Variants in SPTLC3 observed in about 807,000 individuals in gnomAD.
The protein encoded by SPTLC3 is serine palmitoyltransferase 3.
SPTLC3 carries 36 observed loss-of-function variants against 59.3 expected under a neutral mutation model. The observed-to-expected ratio is 0.61, with a 90% CI of 0.47 to 0.80. SPTLC3 has a LOEUF of 0.80. Ranked by LOEUF, SPTLC3 falls within the 30% of genes least tolerant of loss-of-function variation. The probability of loss-of-function intolerance (pLI) is 0.00; values close to 1 mark genes in which losing one functional copy is unlikely to be tolerated. For synonymous variants in SPTLC3, 257 were observed against 240.8 expected (o/e 1.07, Z -0.62); for missense variants, 625 against 685.1 (o/e 0.91, Z 0.98).
At chr20:13,118,950 G>C (rs368540820) in intron 8 of SPTLC3, among the ~76,000 whole-genome samples, 2 of 152,140 alleles carry the variant, frequency 1.3e-5, no homozygotes, top group Non-Finnish European at 2.9e-5. Context: ...GCTTTCTTTC[G>C]GGCTCAAAGC....
intron 8 of SPTLC3, among the ~76,000 whole-genome samples, chr20:13,118,203 G>A (rs1990675792): frequency 6.6e-6 from 1 of 152,050 alleles, no homozygotes; most frequent in Non-Finnish European, 1.5e-5. Context: ...TTATTAGGGA[G>A]GCTGACCCTA....
chr20:13,095,809 C>T (rs1299407401), intron 6 of SPTLC3, among the ~76,000 whole-genome samples: 2 of 152,178 alleles, frequency 1.3e-5, no homozygotes, highest in Non-Finnish European at 2.9e-5. Context: ...TATCCTCACT[C>T]TTCCTCTCTC....
intron 2 of SPTLC3, chr20:13,049,697 A>C (rs1257384658): frequency 6.4e-6 from 1 of 156,510 alleles, no homozygotes; most frequent in Non-Finnish European, 1.4e-5. Flanking sequence ...TGATGAAGTC[A>C]CTGCACCCTC....
intron 2 of SPTLC3, among the ~76,000 whole-genome samples, chr20:13,069,305 G>A (rs1004560641): frequency 6.6e-6 from 1 of 152,078 alleles, no homozygotes; most frequent in Non-Finnish European, 1.5e-5. Context: ...ACCTTTCTGG[G>A]CCTGATTCTC....
At chr20:13,067,514 C>T (rs550580079) in intron 2 of SPTLC3, among the ~76,000 whole-genome samples, 1 of 152,240 alleles carries the variant, frequency 6.6e-6, no homozygotes, top group African/African-American at 2.4e-5. Flanking sequence ...ATTGATGACA[C>T]TCTTGATGGT....
chr20:13,026,511 C>T lies in SPTLC3; in HGVS notation c.117+17127C>T, dbSNP rs377715117. Among the ~76,000 whole-genome samples, 13 of 152,194 alleles carry T rather than the reference C, an allele frequency of 8.5e-5. No individual in the cohort carries two copies. The East Asian group carries it at 1.9e-3, about 23-fold the overall frequency. On this transcript the variant is annotated intron_variant, in intron 1 of 11. Coordinates refer to ENST00000399002, the MANE Select transcript of SPTLC3 (RefSeq NM_018327.4). ...GGTTTTTTCATATGCTTTTTGGCCA[C>T]GTGTATGTCTTCTTTTGAGAAGTGT...
At chr20:13,080,171 T>C (rs563190962) in intron 4 of SPTLC3, among the ~76,000 whole-genome samples, 1 of 152,120 alleles carries the variant, frequency 6.6e-6, no homozygotes, top group African/African-American at 2.4e-5. Flanking sequence ...AAAAAAAGAA[T>C]ATCCCAATTT....
chr20:13,030,236 G>A (rs1357525887), intron 1 of SPTLC3, among the ~76,000 whole-genome samples: 1 of 152,170 alleles, frequency 6.6e-6, no homozygotes, highest in Non-Finnish European at 1.5e-5. Context: ...ACACACCTCT[G>A]TTGTTGGTTC....
chr20:13,038,453 C>G (rs36101218), intron 1 of SPTLC3, among the ~76,000 whole-genome samples: 13,798 of 152,058 alleles, frequency 0.091, 687 homozygotes, highest in African/African-American at 0.13. Flanking sequence ...CATCTTAATT[C>G]TAATATGTTG....
intron 6 of SPTLC3, among the ~76,000 whole-genome samples, chr20:13,106,053 A>C (rs1223585757): frequency 1.3e-5 from 2 of 152,314 alleles, no homozygotes; most frequent in Non-Finnish European, 2.9e-5. Flanking sequence ...AGTGGTTAAT[A>C]ATGTACGCTA....
chr20:13,118,375 G>T (rs1172759573), intron 8 of SPTLC3, among the ~76,000 whole-genome samples: 1 of 141,552 alleles, frequency 7.1e-6, no homozygotes, highest in South Asian at 2.3e-4. Context: ...TAAAAATTCT[G>T]ATCTGCTGGG....
chr20:13,034,776 T>C (rs1986659971), intron 1 of SPTLC3, among the ~76,000 whole-genome samples: 1 of 151,624 alleles, frequency 6.6e-6, no homozygotes, highest in Admixed American at 6.6e-5. Context: ...AAAAACATAC[T>C]TTTTGTTATT....
chr20:13,148,666 G>A (rs563613295), intron 9 of SPTLC3, among the ~76,000 whole-genome samples: 3 of 152,324 alleles, frequency 2.0e-5, no homozygotes, highest in African/African-American at 7.2e-5. Context: ...CATGGCCCTA[G>A]GGGTGGACCA....
intron 11 of SPTLC3, 41 bp downstream of exon 11, chr20:13,160,173 C>G: frequency 6.4e-7 from 1 of 1,567,928 alleles, no homozygotes. Context: ...GTACCAGTAC[C>G]TTGGATTCAA....
chr20:13,115,924 C>T (rs2122732583), intron 7 of SPTLC3, among the ~76,000 whole-genome samples: 1 of 152,268 alleles, frequency 6.6e-6, no homozygotes, highest in African/African-American at 2.4e-5. Context: ...AGTTAGTAAG[C>T]TTAGGCAGCC....
intron 1 of SPTLC3, among the ~76,000 whole-genome samples, chr20:13,048,277 T>A (rs964026029): frequency 6.6e-6 from 1 of 152,134 alleles, no homozygotes; most frequent in African/African-American, 2.4e-5. Flanking sequence ...CACACAAAAA[T>A]TAAAGAAAGA....
chr20:13,157,160 G>A (rs1343320373), intron 10 of SPTLC3, among the ~76,000 whole-genome samples: 5 of 151,990 alleles, frequency 3.3e-5, no homozygotes, highest in Non-Finnish European at 7.4e-5. Flanking sequence ...TTCTAAAGCC[G>A]GGTACGGTAG....
intron 4 of SPTLC3, among the ~76,000 whole-genome samples, chr20:13,085,676 C>T (rs1022306806): frequency 6.6e-6 from 1 of 152,124 alleles, no homozygotes; most frequent in Non-Finnish European, 1.5e-5. Context: ...TAACAAATGT[C>T]AATATGTAGG....
Position 13,117,597 on chromosome 20 carries a change from GGGGCCGT to G in SPTLC3, c.1030_1036del (p.Val344GlnfsTer12). The stretch of plus-strand genomic sequence containing the variant: ...CTACATAGATGAAGCTCACAGTATT[GGGGCCGT>G]GGGCCCAACCGGCCGGGGTGTCACG... On this transcript the variant is annotated frameshift_variant, in exon 8 of 12. Transcript: ENST00000399002. LOFTEE classifies it high-confidence loss of function. 2 of 1,614,056 alleles carry G rather than the reference GGGGCCGT, an allele frequency of 1.2e-6. No homozygotes were observed. The highest frequency in any genetic ancestry group is 1.7e-6 in the Non-Finnish European group (2 of 1,179,940).
Sources: gnomAD v4.1 joint callset for allele counts (sites outside exome capture counted in the v4.1 genomes callset) on GRCh38, gnomAD v4.1.1 for gene constraint, MANE v1.5 for transcripts, NCBI Gene and HGNC (gene_info 2026-07-23, HGNC 2026-07-21) for gene names.